Variants in SHLD2 observed in about 807,000 individuals in gnomAD.
SHLD2 encodes shieldin complex subunit 2.
In SHLD2, 30 loss-of-function variants were observed where a neutral mutation model predicts 73.2. The observed-to-expected ratio is 0.41, with a 90% confidence interval of 0.31 to 0.56. SHLD2 has a LOEUF of 0.56. Among genes scored for constraint, SHLD2 ranks in the 20% least tolerant of loss-of-function variants. SHLD2 has a pLI of 0.28. For synonymous variants in SHLD2, 285 were observed against 370.1 expected, an observed-to-expected ratio of 0.77 and a Z score of 2.64; for missense variants, 745 against 1,055.9, an observed-to-expected ratio of 0.71 and a Z score of 4.08.
intron 2 of SHLD2, among the ~76,000 whole-genome samples, chr10:87,097,217 A>G (rs1841955751): frequency 6.6e-6 from 1 of 152,196 alleles, no homozygotes; most frequent in Non-Finnish European, 1.5e-5. Flanking sequence ...CCTTCAGAAA[A>G]ATAAATGTTT....
intron 2 of SHLD2, among the ~76,000 whole-genome samples, chr10:87,134,028 T>C (rs930688972): frequency 1.3e-5 from 2 of 152,148 alleles, no homozygotes; most frequent in Non-Finnish European, 2.9e-5. Context: ...TAGAGCAGGA[T>C]GAAGGCATGA....
chr10:87,176,227 T>G, intron 7 of SHLD2, 132 bp downstream of exon 7: 1 of 1,286,646 alleles, frequency 7.8e-7, no homozygotes, highest in Non-Finnish European at 1.1e-6. Context: ...GTTTAAGTGA[T>G]TCTCCCCGTT....
intron 8 of SHLD2, among the ~76,000 whole-genome samples, chr10:87,185,585 G>A (rs544220964): frequency 1.3e-5 from 2 of 152,210 alleles, no homozygotes; most frequent in African/African-American, 2.4e-5. Context: ...TTCTTATTCT[G>A]TATTTCTTTT....
intron 2 of SHLD2, among the ~76,000 whole-genome samples, chr10:87,100,986 T>G (rs1020486406): frequency 6.6e-6 from 1 of 152,248 alleles, no homozygotes; most frequent in African/African-American, 2.4e-5. Flanking sequence ...TTACATCTTC[T>G]GATTCATTAA....
intron 2 of SHLD2, among the ~76,000 whole-genome samples, chr10:87,143,862 CTTTT>C (rs61651864): frequency 1.9e-5 from 2 of 104,754 alleles, no homozygotes; most frequent in African/African-American, 3.4e-5. Context: ...TTTATTCTTT[CTTTT>C]TTTTTTTTTT....
intron 2 of SHLD2, chr10:87,114,444 C>T (rs1161580866): frequency 6.6e-6 from 1 of 151,998 alleles, no homozygotes; most frequent in Admixed American, 6.6e-5. Context: ...GTCAGTCAAG[C>T]CCGTGTGCAG....
chr10:87,166,148 C>T (rs12356405), intron 4 of SHLD2, among the ~76,000 whole-genome samples: 8,822 of 151,814 alleles, frequency 0.058, 504 homozygotes, highest in African/African-American at 0.16. Context: ...TCTTCAACAC[C>T]GTATTAGAGT....
At chr10:87,176,839 A>G (rs1411696573) in intron 7 of SHLD2, among the ~76,000 whole-genome samples, 1 of 152,250 alleles carries the variant, frequency 6.6e-6, no homozygotes, top group Admixed American at 6.5e-5. Flanking sequence ...GAATACAGAG[A>G]TTTCATTCTC....
At chr10:87,179,291 A>T (rs754092890) in intron 7 of SHLD2, among the ~76,000 whole-genome samples, 19 of 152,194 alleles carry the variant, frequency 1.2e-4, no homozygotes, top group Non-Finnish European at 2.4e-4. Flanking sequence ...TATAACCCAC[A>T]CCCAGAGTAT....
chr10:87,124,721 T>A (rs1843863072), intron 2 of SHLD2, among the ~76,000 whole-genome samples: 1 of 151,002 alleles, frequency 6.6e-6, no homozygotes, highest in Non-Finnish European at 1.5e-5. Flanking sequence ...TTGCATGAGA[T>A]AAAGTCATTA....
At chr10:87,100,609 C>T (rs551529128) in intron 2 of SHLD2, among the ~76,000 whole-genome samples, 11 of 151,992 alleles carry the variant, frequency 7.2e-5, no homozygotes, top group Admixed American at 2.0e-4. Context: ...TCCTGAGTAG[C>T]TGGGATTACA....
intron 2 of SHLD2, among the ~76,000 whole-genome samples, chr10:87,149,502 C>T (rs1364153595): frequency 2.6e-5 from 4 of 151,832 alleles, no homozygotes; most frequent in Non-Finnish European, 5.9e-5. Context: ...GTGGGTGGAT[C>T]ACTTGAGGTC....
chr10:87,102,029 T>G (rs1842300065), intron 2 of SHLD2, among the ~76,000 whole-genome samples: 1 of 152,248 alleles, frequency 6.6e-6, no homozygotes, highest in Non-Finnish European at 1.5e-5. Context: ...CTTTTTTTGT[T>G]TCCAATCTGA....
Position 87,125,313 on chromosome 10 carries a change from A to AT in SHLD2, c.-5-26028dup, listed in dbSNP as rs1052275494. On this transcript the variant is annotated intron_variant, in intron 2 of 9. Transcript: ENST00000298786. ...CTTAGGTATATATTAAAGGGATCAA[A>AT]TTTTTTTTTAGAGTAATGTAAAATT... is the stretch of plus-strand genomic sequence containing the variant. Among the ~76,000 whole-genome samples, 60 of 151,676 alleles carry AT rather than the reference A, an allele frequency of 4.0e-4. 1 individual carries two copies. The highest frequency in any genetic ancestry group is 1.2e-3 in the African/African-American group (48 of 41,422).
rs1236967958 is a variant in SHLD2 at position 87,190,792 on chromosome 10, T to A, written c.*109T>A. 1.1e-6 allele frequency: 1 copy of A among 915,648 alleles called. No homozygotes were observed. Among genetic ancestry groups the A allele is most frequent in the Non-Finnish European group, 1.7e-6 (1 of 598,218 alleles). 56.7% of individuals were successfully genotyped at this position (915,648 alleles called of 1,614,324 possible). On this transcript the variant is annotated 3_prime_UTR_variant, in exon 10 of 10. Coordinates refer to ENST00000298786, the MANE Select transcript of SHLD2 (RefSeq NM_001330112.2). ...TGCTTTGGATTTTTTATGAAATATA[T>A]TTTACAAAGAGAATTGCACTAGATA...
chr10:87,142,659 T>C (rs1331464000), intron 2 of SHLD2, among the ~76,000 whole-genome samples: 2 of 152,148 alleles, frequency 1.3e-5, no homozygotes, highest in African/African-American at 4.8e-5. Context: ...TCAGTGATGA[T>C]GCCAAGGTTT....
chr10:87,148,935 G>A (rs1321004374), intron 2 of SHLD2, among the ~76,000 whole-genome samples: 1 of 150,460 alleles, frequency 6.6e-6, no homozygotes, highest in Non-Finnish European at 1.5e-5. Flanking sequence ...ACCCAGGCTG[G>A]AGTGCTGGAG....
chr10:87,154,670 C>T (rs959585723), intron 3 of SHLD2, among the ~76,000 whole-genome samples: 14 of 152,176 alleles, frequency 9.2e-5, no homozygotes, highest in Non-Finnish European at 1.3e-4. Flanking sequence ...TGTGAGCCAC[C>T]GTGCCTGGCC....
intron 2 of SHLD2, among the ~76,000 whole-genome samples, chr10:87,126,640 A>G (rs1447520022): frequency 1.3e-5 from 2 of 152,172 alleles, no homozygotes; most frequent in African/African-American, 4.8e-5. Context: ...ACTCAACTTC[A>G]TGATTTATAC....
Sources: allele counts gnomAD v4.1 joint callset (sites outside exome capture counted in the v4.1 genomes callset), GRCh38; gene constraint gnomAD v4.1.1; transcripts MANE v1.5; gene names NCBI Gene and HGNC (gene_info 2026-07-23, HGNC 2026-07-21).